USP7: variants seen among roughly 807,000 people sequenced by gnomAD.
USP7 encodes ubiquitin specific peptidase 7.
Under a neutral mutation model 162.9 loss-of-function variants are expected in USP7, and 9 were observed. The ratio of observed to expected loss-of-function variants is 0.06; its 90% CI spans 0.03 to 0.10. The LOEUF is 0.10. USP7 is among the 10% of genes least tolerant of loss of function. The pLI is 1.00. For missense variants in USP7, 715 were observed against 1,373.7 expected (o/e 0.52, Z 7.58); for synonymous variants, 562 against 475.9 (o/e 1.18, Z -2.35).
intron 1 of USP7, among the ~76,000 whole-genome samples, chr16:8,954,630 TACTA>T (rs1021944453): frequency 2.0e-5 from 3 of 152,238 alleles, no homozygotes; most frequent in Admixed American, 6.5e-5. Context: ...CCAAAAACTT[TACTA>T]ACTAAATACG....
At chr16:8,934,464 TG>T (rs1172721720) in intron 1 of USP7, among the ~76,000 whole-genome samples, 2 of 152,170 alleles carry the variant, frequency 1.3e-5, no homozygotes, top group African/African-American at 4.8e-5. Context: ...TCTTACAGGA[TG>T]GGGTGGGGGA....
chr16:8,912,795 A>G (rs532743125), intron 10 of USP7, among the ~76,000 whole-genome samples: 1 of 152,264 alleles, frequency 6.6e-6, no homozygotes, highest in East Asian at 1.9e-4. Context: ...CATAGAAAAA[A>G]AAGAAGAGAT....
At chr16:8,920,517 A>C in intron 4 of USP7, 70 bp from the exon 5 acceptor site, 1 of 1,315,330 alleles carries the variant, frequency 7.6e-7, no homozygotes, top group Non-Finnish European at 1.1e-6. Flanking sequence ...GACAAATTAC[A>C]TTAGTGCCCT....
At chr16:8,905,454 ATG>A (rs2061845173) in intron 13 of USP7, 123 bp from the exon 14 acceptor site, 4 of 1,224,634 alleles carry the variant, frequency 3.3e-6, no homozygotes, top group Admixed American at 1.9e-5. Context: ...AAAAATATCC[ATG>A]TGTGTTCTTA....
intron 1 of USP7, among the ~76,000 whole-genome samples, chr16:8,961,134 G>A (rs958274842): frequency 2.1e-4 from 32 of 152,162 alleles, no homozygotes; most frequent in Admixed American, 2.6e-4. Flanking sequence ...AGAAAAGAAA[G>A]TAGCCTTGAA....
chr16:8,963,226 G>T lies in USP7; in HGVS notation c.60C>A (p.Pro20=). ...CCTCACCTTCCATCTCCATGTCCTC[G>T]GGCTCGCTCAACTGCTGCTCGCCCG... is the stretch of plus-strand genomic sequence containing the variant. ...QKAGEQQLSE[P]EDMEMEAGDT... The change falls in exon 1 of 31, where the codon CCC becomes CCA. Residue 20 remains proline (P), a synonymous_variant. Coordinates refer to ENST00000344836, the MANE Select transcript of USP7 (RefSeq NM_003470.3). 7.1e-7 allele frequency: 1 copy of T among 1,409,314 alleles called. No individual in the cohort carries two copies. 87.3% of individuals were successfully genotyped at this position (1,409,314 alleles called of 1,614,324 possible).
chr16:8,959,073 A>G (rs1043496988), intron 1 of USP7, among the ~76,000 whole-genome samples: 1 of 152,206 alleles, frequency 6.6e-6, no homozygotes, highest in East Asian at 1.9e-4. Flanking sequence ...CCATGTGCTG[A>G]ACATCTCCTA....
At chr16:8,904,897 G>A (rs1221209942) in intron 14 of USP7, among the ~76,000 whole-genome samples, 3 of 152,134 alleles carry the variant, frequency 2.0e-5, no homozygotes, top group East Asian at 3.8e-4. Context: ...GCGAGAACCC[G>A]GGAGGTGGAG....
intron 1 of USP7, among the ~76,000 whole-genome samples, chr16:8,950,660 G>C (rs1165082718): frequency 6.6e-6 from 1 of 152,196 alleles, no homozygotes; most frequent in Admixed American, 6.5e-5. Flanking sequence ...ACATGGCACT[G>C]CTAATTGTCC....
intron 1 of USP7, chr16:8,936,692 C>T: frequency 3.4e-6 from 5 of 1,482,910 alleles, no homozygotes; most frequent in Non-Finnish European, 4.5e-6. Context: ...TGCATAGAAT[C>T]TCTAGGAGCT....
intron 1 of USP7, among the ~76,000 whole-genome samples, chr16:8,941,994 C>T (rs538902425): frequency 3.9e-5 from 6 of 152,320 alleles, no homozygotes; most frequent in Middle Eastern, 3.4e-3. Context: ...GAGGAGACAA[C>T]TGGCAAGCAC....
intron 11 of USP7, 113 bp downstream of exon 11, chr16:8,910,632 T>C: frequency 2.2e-6 from 2 of 920,732 alleles, no homozygotes; most frequent in Non-Finnish European, 3.3e-6. Context: ...TTGTATATTC[T>C]AAATACCAGA....
chr16:8,920,191 A>C (rs1897610572), intron 5 of USP7, among the ~76,000 whole-genome samples, 168 bp downstream of exon 5: 1 of 152,196 alleles, frequency 6.6e-6, no homozygotes, highest in African/African-American at 2.4e-5. Flanking sequence ...CTGCTCAATC[A>C]ATCTGTTAAA....
intron 7 of USP7, 144 bp from the exon 8 acceptor site, chr16:8,916,700 T>A: frequency 1.1e-6 from 1 of 886,646 alleles, no homozygotes; most frequent in Non-Finnish European, 1.7e-6. Flanking sequence ...TTGGGAGTCA[T>A]AATTCAAAGA....
intron 2 of USP7, 55 bp downstream of exon 2, chr16:8,930,238 C>A (rs1596391146): frequency 7.2e-7 from 1 of 1,392,202 alleles, no homozygotes; most frequent in Non-Finnish European, 1.0e-6. Context: ...TGGATCTGAA[C>A]CTGTTTTCTG....
At chr16:8,930,086 G>C (rs563073938) in intron 2 of USP7, among the ~76,000 whole-genome samples, 1 of 152,150 alleles carries the variant, frequency 6.6e-6, no homozygotes, top group Non-Finnish European at 1.5e-5. Flanking sequence ...TCCTTGCCTA[G>C]GCTAGGGAGA....
intron 1 of USP7, among the ~76,000 whole-genome samples, chr16:8,937,789 G>A (rs1015889108): frequency 1.3e-5 from 2 of 152,174 alleles, no homozygotes; most frequent in Non-Finnish European, 2.9e-5. Context: ...AAAGCAGTTT[G>A]GGAGATGAAA....
chr16:8,910,929 G>A (rs1438657738), intron 10 of USP7, 102 bp from the exon 11 acceptor site: 2 of 983,312 alleles, frequency 2.0e-6, no homozygotes, highest in African/African-American at 3.2e-5. Flanking sequence ...GATTAGCAGA[G>A]AAGGTAAACA....
At chr16:8,924,074 A>C (rs1442841331) in intron 2 of USP7, among the ~76,000 whole-genome samples, 2 of 152,218 alleles carry the variant, frequency 1.3e-5, no homozygotes, top group African/African-American at 4.8e-5. Flanking sequence ...TAACAAGACC[A>C]AAGGCTGATT....
Sources: gnomAD v4.1 joint callset for allele counts (sites outside exome capture counted in the v4.1 genomes callset) on GRCh38, gnomAD v4.1.1 for gene constraint, MANE v1.5 for transcripts, NCBI Gene and HGNC (gene_info 2026-07-23, HGNC 2026-07-21) for gene names.